Variants in CTIF observed in about 807,000 individuals in gnomAD.
CTIF encodes cap binding complex dependent translation initiation factor.
A neutral mutation model predicts 66.0 loss-of-function variants in CTIF; 21 were observed. The observed-to-expected ratio is 0.32, with a 90% CI of 0.23 to 0.46. The LOEUF is 0.46. Among genes scored for constraint, CTIF ranks in the 20% least tolerant of loss-of-function variants. The pLI is 1.00. For synonymous variants in CTIF, 345 were observed against 326.4 expected, an observed-to-expected ratio of 1.06 and a Z score of -0.62; for missense variants, 739 against 812.7, an observed-to-expected ratio of 0.91 and a Z score of 1.10.
intron 3 of CTIF, among the ~76,000 whole-genome samples, chr18:48,657,541 G>A (rs2091264218): frequency 6.6e-6 from 1 of 152,150 alleles, no homozygotes; most frequent in South Asian, 2.1e-4. Context: ...CCAGGGGATT[G>A]GTGCTTCCAG....
intron 10 of CTIF, among the ~76,000 whole-genome samples, chr18:48,820,997 T>C (rs1298001039): frequency 1.3e-5 from 2 of 152,224 alleles, no homozygotes; most frequent in African/African-American, 4.8e-5. Flanking sequence ...CACCCAGCTC[T>C]CTGGGAGTCC....
intron 9 of CTIF, among the ~76,000 whole-genome samples, chr18:48,806,567 C>G (rs929692891): frequency 6.6e-6 from 1 of 152,204 alleles, no homozygotes; most frequent in African/African-American, 2.4e-5. Flanking sequence ...GTAGGGGCTG[C>G]CCATCTCCCT....
intron 1 of CTIF, among the ~76,000 whole-genome samples, chr18:48,585,582 C>T (rs185764500): frequency 9.1e-4 from 138 of 152,266 alleles, no homozygotes; most frequent in African/African-American, 3.0e-3. Context: ...GTACTGTTTC[C>T]CCTGGAGACT....
chr18:48,649,492 G>A (rs948257180), intron 3 of CTIF, among the ~76,000 whole-genome samples: 1 of 152,258 alleles, frequency 6.6e-6, no homozygotes, highest in African/African-American at 2.4e-5. Flanking sequence ...AGCAAGGCCT[G>A]TTGCCTCTGT....
intron 9 of CTIF, among the ~76,000 whole-genome samples, chr18:48,765,349 G>A (rs751644476): frequency 1.3e-5 from 2 of 152,104 alleles, no homozygotes; most frequent in Admixed American, 1.3e-4. Context: ...GGCAGCCTCC[G>A]AGATGCCCCC....
intron 1 of CTIF, among the ~76,000 whole-genome samples, chr18:48,553,485 G>A (rs900873579): frequency 1.3e-5 from 2 of 152,162 alleles, no homozygotes; most frequent in African/African-American, 4.8e-5. Flanking sequence ...AATGCAGACT[G>A]TAACCAGGGC....
chr18:48,719,540 G>A (rs1173220445), intron 7 of CTIF, among the ~76,000 whole-genome samples: 2 of 152,082 alleles, frequency 1.3e-5, no homozygotes, highest in African/African-American at 2.4e-5. Flanking sequence ...TTGCACATTC[G>A]CCTACTTGTA....
At chr18:48,612,861 C>CA (rs147477643) in intron 1 of CTIF, among the ~76,000 whole-genome samples, 93 of 152,272 alleles carry the variant, frequency 6.1e-4, no homozygotes, top group African/African-American at 2.1e-3. Context: ...AGCCACAAGC[C>CA]AAAAGATGAG....
At position 48,810,082 on chromosome 18, in the gene CTIF, T is replaced by G. The variant is rs1466556531; in HGVS notation, c.1372-7139T>G. On this transcript the variant is annotated intron_variant, in intron 9 of 11. Transcript: ENST00000256413. ...GTGATCTACATATGTAATTTTAAAT[T>G]TAATAATATGTGTTATAAAATTTCA... Among the ~76,000 whole-genome samples the G allele has an allele frequency of 3.3e-5, 5 of 152,218 alleles. No individual in the cohort carries two copies. The East Asian group carries it at 9.6e-4, about 29-fold the overall frequency.
At position 48,679,104 on chromosome 18, in the gene CTIF, G is replaced by A. The variant is rs117761149; in HGVS notation, c.507+8360G>A. 9.9e-4 allele frequency among the ~76,000 whole-genome samples: 150 copies of A among 152,260 alleles called. 1 individual carries two copies. In the East Asian group the frequency reaches 0.027, roughly 27 times the overall value. On this transcript the variant is annotated intron_variant, in intron 6 of 11. Coordinates refer to ENST00000256413, the MANE Select transcript of CTIF (RefSeq NM_014772.3). ...TCTAGAATATAAACAGAACAAAAAA[G>A]GAAACCTCTGAGAGTTAAAACAGGT... is the stretch of plus-strand genomic sequence containing the variant.
At chr18:48,736,072 T>C (rs188521170) in intron 7 of CTIF, among the ~76,000 whole-genome samples, 1 of 152,284 alleles carries the variant, frequency 6.6e-6, no homozygotes, top group African/African-American at 2.4e-5. Context: ...CGGAGTGTTA[T>C]GAAAACCTGC....
At chr18:48,548,321 A>T (rs746936523) in intron 1 of CTIF, among the ~76,000 whole-genome samples, 2 of 152,220 alleles carry the variant, frequency 1.3e-5, no homozygotes, top group African/African-American at 4.8e-5. Flanking sequence ...TGAGATACTT[A>T]CACGTTTGAA....
intron 7 of CTIF, among the ~76,000 whole-genome samples, chr18:48,712,110 G>A (rs2092231207): frequency 6.6e-6 from 1 of 152,190 alleles, no homozygotes; most frequent in Non-Finnish European, 1.5e-5. Context: ...AAGTGCAAGA[G>A]TATCTGTTTT....
intron 9 of CTIF, among the ~76,000 whole-genome samples, chr18:48,764,362 GC>G (rs1221977235): frequency 6.6e-6 from 1 of 152,166 alleles, no homozygotes; most frequent in African/African-American, 2.4e-5. Flanking sequence ...TAAACCAATG[GC>G]CACATGAATC....
intron 9 of CTIF, among the ~76,000 whole-genome samples, chr18:48,805,431 G>A (rs9964092): frequency 0.16 from 24,931 of 151,650 alleles, 2,862 homozygotes; most frequent in African/African-American, 0.32. Context: ...AAGCCTGCCG[G>A]GGGGATTGCA....
intron 9 of CTIF, among the ~76,000 whole-genome samples, chr18:48,775,499 G>A (rs551507357): frequency 2.7e-4 from 41 of 152,374 alleles, no homozygotes; most frequent in Non-Finnish European, 5.7e-4. Flanking sequence ...GTGCAGCACT[G>A]TAGACAGCCC....
intron 7 of CTIF, among the ~76,000 whole-genome samples, chr18:48,725,137 C>A (rs569966639): frequency 6.6e-6 from 1 of 152,224 alleles, no homozygotes; most frequent in African/African-American, 2.4e-5. Context: ...ACTGGCTCTG[C>A]ATGTCAGGGA....
chr18:48,859,681 A>C lies in CTIF; in HGVS notation c.*122A>C, dbSNP rs1316614990. On this transcript the variant is annotated 3_prime_UTR_variant, in exon 12 of 12. Coordinates refer to ENST00000256413, the MANE Select transcript of CTIF (RefSeq NM_014772.3). Reference sequence around the variant, plus strand: ...GAAAGAAATGGGGAGGAGGGCAGGCAGAGTCGGTGGCCAGTCTGGAGCCAG... The same window carrying C: ...GAAAGAAATGGGGAGGAGGGCAGGCCGAGTCGGTGGCCAGTCTGGAGCCAG... 1 of 912,116 alleles carries C rather than the reference A, an allele frequency of 1.1e-6. No individual in the cohort carries two copies. Among genetic ancestry groups the C allele is most frequent in the South Asian group, 1.4e-5 (1 of 71,342 alleles). The allele number at this position is 912,116 out of a possible 1,614,324, so 56.5% of individuals were successfully genotyped here.
chr18:48,857,009 G>A (rs1275005910), intron 10 of CTIF, among the ~76,000 whole-genome samples: 1 of 152,242 alleles, frequency 6.6e-6, no homozygotes, highest in East Asian at 1.9e-4. Flanking sequence ...GCGCTGAGCA[G>A]CCCAGCCATG....
Sources: allele counts gnomAD v4.1 joint callset (sites outside exome capture counted in the v4.1 genomes callset), GRCh38; gene constraint gnomAD v4.1.1; transcripts MANE v1.5; gene names NCBI Gene and HGNC (gene_info 2026-07-23, HGNC 2026-07-21).